The following LYSMD2 variants were observed in gnomAD, a reference collection of about 807,000 sequenced individuals.
The protein encoded by LYSMD2 is LysM domain containing 2, also known as lysM and putative peptidoglycan-binding domain-containing protein 2.
In LYSMD2, 6 loss-of-function variants were observed where a neutral mutation model predicts 17.7. That is an observed-to-expected ratio of 0.34 (90% CI 0.19 to 0.67). LYSMD2 has a LOEUF of 0.67. Among genes scored for constraint, LYSMD2 ranks in the 30% least tolerant of loss-of-function variants. LYSMD2 has a pLI of 0.69. For synonymous variants in LYSMD2, 102 were observed against 129.8 expected, an observed-to-expected ratio of 0.79 and a Z score of 1.45; for missense variants, 237 against 286.7, an observed-to-expected ratio of 0.83 and a Z score of 1.25.
chr15:51,744,706 G>T (rs939379115), intron 1 of LYSMD2, among the ~76,000 whole-genome samples: 1 of 152,102 alleles, frequency 6.6e-6, no homozygotes, highest in African/African-American at 2.4e-5. Flanking sequence ...TCTGAAAGAG[G>T]TTGTGGAGAA....
chr15:51,726,062 G>A (rs913678204), intron 1 of LYSMD2, among the ~76,000 whole-genome samples: 7 of 152,170 alleles, frequency 4.6e-5, no homozygotes, highest in African/African-American at 1.7e-4. Context: ...AGTCAACTAA[G>A]TGGACCCTGT....
Position 51,737,265 on chromosome 15 carries a change from C to CCG in LYSMD2, c.273+84_273+85insCG. On this transcript the variant is annotated intron_variant, in intron 1 of 2. Transcript: ENST00000267838. The surrounding 1 kb of genome is among the most constrained non-coding windows in gnomAD (Gnocchi z 4.2). ...TCCCCCAAACCCCCACCCGCAGTCCCACCCCCACCCCCACCGCACCCCGAG... is the reference window on the plus strand; with the variant it reads ...TCCCCCAAACCCCCACCCGCAGTCCCCGACCCCCACCCCCACCGCACCCCGAG... 126 of 628,746 alleles carry CCG rather than the reference C, an allele frequency of 2.0e-4. No homozygotes were observed. The highest frequency in any genetic ancestry group is 2.5e-4 in the Non-Finnish European group (112 of 450,572). 38.9% of individuals were successfully genotyped at this position (628,746 alleles called of 1,614,324 possible).
chr15:51,725,501 GT>G (rs1482409413), intron 1 of LYSMD2, among the ~76,000 whole-genome samples: 1 of 151,994 alleles, frequency 6.6e-6, no homozygotes, highest in Admixed American at 6.6e-5. Context: ...CATTGCTGCT[GT>G]TTTACTTATG....
intron 1 of LYSMD2, among the ~76,000 whole-genome samples, chr15:51,742,782 A>C (rs930449375): frequency 6.6e-6 from 1 of 151,978 alleles, no homozygotes; most frequent in Non-Finnish European, 1.5e-5. Context: ...AAATAGTCAT[A>C]TTTTTTGGTC....
Position 51,723,395 on chromosome 15 carries a change from C to T in LYSMD2, c.*212G>A. 1 of 493,914 alleles carries T rather than the reference C, an allele frequency of 2.0e-6. No homozygotes were observed. Among genetic ancestry groups the T allele is most frequent in the Non-Finnish European group, 3.6e-6 (1 of 277,272 alleles). The allele number at this position is 493,914 out of a possible 1,614,324, so 30.6% of individuals were successfully genotyped here. ...AAAGTGATGAGCTTTAGGCTACAAC[C>T]TTGCCATCATGCCATAATAAAGACT... On this transcript the variant is annotated 3_prime_UTR_variant, in exon 3 of 3. Coordinates refer to ENST00000267838, the MANE Select transcript of LYSMD2 (RefSeq NM_153374.3).
chr15:51,725,797 C>A (rs1220289980), intron 1 of LYSMD2, among the ~76,000 whole-genome samples: 1 of 152,092 alleles, frequency 6.6e-6, no homozygotes, highest in African/African-American at 2.4e-5. Context: ...GAGTGTCTGG[C>A]AGTGGATGGT....
chr15:51,737,643 G>A lies in LYSMD2; in HGVS notation c.-21C>T. ...GCCATGGGTCCTGCCGAGGCCGCCG[G>A]GTCGGGGAGCTTGCCAAGGGGGCGG... is the stretch of plus-strand genomic sequence containing the variant. On this transcript the variant is annotated 5_prime_UTR_variant, in exon 1 of 3. Coordinates refer to ENST00000267838, the MANE Select transcript of LYSMD2 (RefSeq NM_153374.3). This position sits in a 1 kb window ranked among gnomAD's most constrained non-coding sequence, Gnocchi z 4.2. The A allele has an allele frequency of 8.3e-7, 1 of 1,204,352 alleles. No homozygotes were observed. The highest frequency in any genetic ancestry group is 1.0e-6 in the Non-Finnish European group (1 of 970,416). 74.6% of individuals were successfully genotyped at this position (1,204,352 alleles called of 1,614,324 possible). A position where few individuals can be genotyped will look rare whatever the true frequency, so the allele number is the denominator to read the frequency against.
At chr15:51,746,591 A>G (rs557191468) in intron 1 of LYSMD2, among the ~76,000 whole-genome samples, 6 of 152,314 alleles carry the variant, frequency 3.9e-5, no homozygotes, top group African/African-American at 1.4e-4. Flanking sequence ...GCATTTTAAA[A>G]AGGTGAATTT....
intron 1 of LYSMD2, among the ~76,000 whole-genome samples, chr15:51,735,267 G>T (rs2055601507): frequency 6.6e-6 from 1 of 152,120 alleles, no homozygotes; most frequent in Non-Finnish European, 1.5e-5. Flanking sequence ...ATTACCAGTG[G>T]AGGAGTCTCT....
Position 51,723,565 on chromosome 15 carries a change from A to C in LYSMD2, c.*42T>G, listed in dbSNP as rs781623838. On this transcript the variant is annotated 3_prime_UTR_variant, in exon 3 of 3. Coordinates refer to ENST00000267838, the MANE Select transcript of LYSMD2 (RefSeq NM_153374.3). ...TCAGTTGTTGGATTCTTTATGGTCC[A>C]AACATATCTTAATTTTGGTTAGAGT... 6.7e-7 allele frequency: 1 copy of C among 1,499,904 alleles called. No individual in the cohort carries two copies. Among genetic ancestry groups the C allele is most frequent in the Non-Finnish European group, 9.3e-7 (1 of 1,077,104 alleles). 92.9% of individuals were successfully genotyped at this position (1,499,904 alleles called of 1,614,324 possible). A position where few individuals can be genotyped will look rare whatever the true frequency, so the allele number is the denominator to read the frequency against.
At position 51,751,344 on chromosome 15, in the gene LYSMD2, C is replaced by T. The variant is rs1179645069; in HGVS notation, c.-74G>A. The T allele has an allele frequency of 1.0e-5, 7 of 702,104 alleles. No homozygotes were observed. The Admixed American group carries it at 1.0e-4, about 10-fold the overall frequency. The allele number at this position is 702,104 out of a possible 1,614,324, so 43.5% of individuals were successfully genotyped here. A position where few individuals can be genotyped will look rare whatever the true frequency, so the allele number is the denominator to read the frequency against. On this transcript the variant is annotated 5_prime_UTR_variant, in exon 1 of 3. Transcript: ENST00000454181. ...GAATGCTCATCACAGGCTTGAAAGC[C>T]TTTGCCATCCACGCTCTCCGGAGCC...
intron 1 of LYSMD2, among the ~76,000 whole-genome samples, chr15:51,729,452 T>C (rs73405355): frequency 0.059 from 8,970 of 152,240 alleles, 302 homozygotes; most frequent in East Asian, 0.095. Context: ...TGGTATGTTT[T>C]TATTTATTTA....
Position 51,723,218 on chromosome 15 carries a change from T to G in LYSMD2, c.*389A>C, listed in dbSNP as rs1331346520. The G allele has an allele frequency of 5.8e-6, 1 of 173,428 alleles. No homozygotes were observed. The highest frequency in any genetic ancestry group is 1.2e-5 in the Non-Finnish European group (1 of 80,460). The allele number at this position is 173,428 out of a possible 1,614,324, so 10.7% of individuals were successfully genotyped here. On this transcript the variant is annotated 3_prime_UTR_variant, in exon 3 of 3. Transcript: ENST00000267838. ...CTTAAGTTATAAACACACAGCAAATTCAGCATCACTTAAACAGCAACCATA... is the reference window on the plus strand; with the variant it reads ...CTTAAGTTATAAACACACAGCAAATGCAGCATCACTTAAACAGCAACCATA...
chr15:51,744,373 G>GT (rs1385628892), intron 1 of LYSMD2, among the ~76,000 whole-genome samples: 1 of 152,058 alleles, frequency 6.6e-6, no homozygotes, highest in African/African-American at 2.4e-5. Flanking sequence ...TATGTCAAAA[G>GT]TTTTTTCTGC....
chr15:51,747,010 T>G (rs2055671094), intron 1 of LYSMD2, among the ~76,000 whole-genome samples: 1 of 129,996 alleles, frequency 7.7e-6, no homozygotes, highest in South Asian at 2.5e-4. Flanking sequence ...TGAAACCCTG[T>G]CTCTACTAAA....
At chr15:51,728,969 T>G (rs1047899080) in intron 1 of LYSMD2, among the ~76,000 whole-genome samples, 3 of 152,238 alleles carry the variant, frequency 2.0e-5, no homozygotes, top group African/African-American at 7.2e-5. Flanking sequence ...TCATCACTGC[T>G]TTGAGATGTC....
intron 1 of LYSMD2, among the ~76,000 whole-genome samples, chr15:51,749,721 G>A (rs2055687237): frequency 2.0e-5 from 3 of 152,290 alleles, no homozygotes; most frequent in Admixed American, 2.0e-4. Context: ...TCCGTAAGCA[G>A]CCCTGTTCTT....
At chr15:51,724,758 A>G (rs1252074632) in intron 2 of LYSMD2, 32 bp downstream of exon 2, 2 of 1,510,974 alleles carry the variant, frequency 1.3e-6, no homozygotes. Flanking sequence ...TGATTTATTT[A>G]GACTTTGACA....
At position 51,737,558 on chromosome 15, in the gene LYSMD2, G is replaced by A; in HGVS notation, c.65C>T (p.Ala22Val). 2.5e-6 allele frequency: 3 copies of A among 1,223,006 alleles called. No homozygotes were observed. Among genetic ancestry groups the A allele is most frequent in the South Asian group, 7.9e-5 (2 of 25,364 alleles). The allele number at this position is 1,223,006 out of a possible 1,614,324, so 75.8% of individuals were successfully genotyped here. ...EGGPRAPRPS[A>V]PSPPPRSRSG... ...GCGCGAGCGCGGCGGCGGCGAGGGG[G>A]CCGAGGGCCGCGGCGCGCGGGGGCC... The change falls in exon 1 of 3, where the codon GCC becomes GTC. Residue 22 changes from alanine to valine, a missense_variant. Coordinates refer to ENST00000267838, the MANE Select transcript of LYSMD2 (RefSeq NM_153374.3). This position sits in a 1 kb window ranked among gnomAD's most constrained non-coding sequence, Gnocchi z 4.2.
Sources: allele counts gnomAD v4.1 joint callset (sites outside exome capture counted in the v4.1 genomes callset), GRCh38; gene constraint gnomAD v4.1.1; non-coding constraint Gnocchi (gnomAD v3.1); transcripts MANE v1.5; gene names NCBI Gene and HGNC (gene_info 2026-07-23, HGNC 2026-07-21).